Variants in USP50 observed in about 807,000 individuals in gnomAD.
The protein encoded by USP50 is ubiquitin specific peptidase 50.
In USP50, 37 loss-of-function variants were observed where a neutral mutation model predicts 39.2. The ratio of observed to expected loss-of-function variants is 0.94; its 90% CI spans 0.73 to 1.24. The LOEUF (loss-of-function observed/expected upper bound fraction) is 1.24. USP50 is among the 50% of genes most tolerant of loss of function. The pLI is 0.00. For synonymous variants in USP50, 139 were observed against 144.5 expected (o/e 0.96, Z 0.27); for missense variants, 374 against 398.2 (o/e 0.94, Z 0.52).
chr15:50,542,358 A>G (rs1319990145), intron 3 of USP50, among the ~76,000 whole-genome samples: 1 of 152,016 alleles, frequency 6.6e-6, no homozygotes, highest in Non-Finnish European at 1.5e-5. Flanking sequence ...ATCTTGGGAA[A>G]CAGAATGCTG....
intron 5 of USP50, among the ~76,000 whole-genome samples, chr15:50,535,259 C>CA (rs1269951721): frequency 1.3e-5 from 2 of 151,998 alleles, no homozygotes; most frequent in South Asian, 2.1e-4. Context: ...ATCCAGCAGG[C>CA]AAAAAATTAG....
chr15:50,499,562 C>G (rs1057155090), downstream of USP50: 1 of 151,764 alleles, frequency 6.6e-6, no homozygotes, highest in African/African-American at 2.4e-5. Flanking sequence ...TTTTGTGAAA[C>G]CTAGAACTCA....
chr15:50,540,999 G>C, intron 4 of USP50, 50 bp downstream of exon 4: 1 of 1,425,812 alleles, frequency 7.0e-7, no homozygotes, highest in Non-Finnish European at 9.8e-7. Context: ...GAGAAAATCC[G>C]GGGCTGAGAG....
At chr15:50,539,562 C>T (rs1286795934) in intron 4 of USP50, among the ~76,000 whole-genome samples, 2 of 151,856 alleles carry the variant, frequency 1.3e-5, no homozygotes, top group Admixed American at 6.6e-5. Flanking sequence ...ACTACAGGCG[C>T]GTGCCACCAC....
At chr15:50,522,295 T>C (rs1424158344) in intron 6 of USP50, among the ~76,000 whole-genome samples, 2 of 152,088 alleles carry the variant, frequency 1.3e-5, no homozygotes, top group East Asian at 3.9e-4. Context: ...CATGGTGGCA[T>C]GTGCCTGTAG....
At chr15:50,528,814 A>T (rs979234915) in intron 6 of USP50, among the ~76,000 whole-genome samples, 3 of 152,256 alleles carry the variant, frequency 2.0e-5, no homozygotes, top group Non-Finnish European at 4.4e-5. Flanking sequence ...CATTAATTCA[A>T]CAATAAGCTG....
chr15:50,499,154 T>A, downstream of USP50: 1 of 1,471,068 alleles, frequency 6.8e-7, no homozygotes, highest in Non-Finnish European at 9.1e-7. Flanking sequence ...GAAATGCTTA[T>A]CAGGATAATG....
At chr15:50,493,783 C>CA (rs1566889406), downstream of USP50, 1 of 526,612 alleles carries the variant, frequency 1.9e-6, no homozygotes, top group Non-Finnish European at 3.5e-6. Context: ...TAGTAAAGGA[C>CA]AGACAGGATG....
Position 50,501,163 on chromosome 15 carries a change from T to G in USP50, c.937-326A>C, listed in dbSNP as rs566803495. On this transcript the variant is annotated intron_variant, in intron 6 of 6. Coordinates refer to ENST00000532404, the MANE Select transcript of USP50 (RefSeq NM_203494.5). ...TTAAGCATTAAAGGAAATTTTACAA[T>G]AAGAAGATAATTCAGGCCGGGCACA... The G allele has an allele frequency of 2.9e-4, 72 of 245,142 alleles. 2 individuals carry two copies. Among genetic ancestry groups the G allele is most frequent in the South Asian group, 1.7e-3 (34 of 19,664 alleles). 15.2% of individuals were successfully genotyped at this position (245,142 alleles called of 1,614,324 possible). A position where few individuals can be genotyped will look rare whatever the true frequency, so the allele number is the denominator to read the frequency against.
chr15:50,513,910 TC>T (rs1325205061), intron 6 of USP50: 1 of 152,164 alleles, frequency 6.6e-6, no homozygotes, highest in African/African-American at 2.4e-5. Context: ...GGAGTTTCAC[TC>T]CTAGGTATGT....
intron 6 of USP50, among the ~76,000 whole-genome samples, chr15:50,514,994 TAAAA>T (rs386382963): frequency 6.7e-5 from 5 of 74,628 alleles, no homozygotes; most frequent in African/African-American, 2.2e-4. Context: ...AGACACAGTC[TAAAA>T]AAAAAAAAAA....
intron 5 of USP50, chr15:50,532,336 T>C: frequency 5.0e-6 from 2 of 400,002 alleles, no homozygotes; most frequent in Non-Finnish European, 9.9e-6. Context: ...TGCTGGGGTC[T>C]TATCAGAGCT....
chr15:50,515,114 C>T (rs757315400), intron 6 of USP50, among the ~76,000 whole-genome samples: 4 of 150,236 alleles, frequency 2.7e-5, no homozygotes, highest in Non-Finnish European at 3.0e-5. Context: ...CCAAGAAAAA[C>T]GAAATTCCAA....
intron 6 of USP50, chr15:50,514,326 G>A (rs1370901720): frequency 6.6e-6 from 1 of 152,066 alleles, no homozygotes; most frequent in Non-Finnish European, 1.5e-5. Context: ...TGGTTACATG[G>A]GTATGTTCAC....
intron 3 of USP50, among the ~76,000 whole-genome samples, chr15:50,543,051 A>C (rs2053042527): frequency 2.0e-5 from 3 of 152,206 alleles, no homozygotes; most frequent in Non-Finnish European, 4.4e-5. Flanking sequence ...GTTTAATGAA[A>C]TGTATGTCCT....
intron 6 of USP50, chr15:50,506,367 T>C (rs1249851924): frequency 1.3e-5 from 2 of 152,120 alleles, no homozygotes; most frequent in Non-Finnish European, 2.9e-5. Flanking sequence ...ACTGCGCATG[T>C]GAGGGATCTA....
At chr15:50,532,172 C>A (rs1183761138) in intron 5 of USP50, 2 of 456,262 alleles carry the variant, frequency 4.4e-6, no homozygotes. Context: ...AATTTTCCTT[C>A]CAGGAGCCCA....
rs967629173 is a variant in USP50, at chr15:50,500,833, T to G, written c.941A>C (p.His314Pro). 1 of 1,578,718 alleles carries G rather than the reference T, an allele frequency of 6.3e-7. No individual in the cohort carries two copies. Among genetic ancestry groups the G allele is most frequent in the Non-Finnish European group, 8.6e-7 (1 of 1,161,454 alleles). ...GTGGCCACCATCCAAATCACCAAAA[T>G]GGTTCTATGGGAGAAAGGAATGTCA... The part of the protein sequence containing the change: ...PKYNLCAVVN[H>P]FGDLDGGHYT... The change falls in exon 7 of 7, where the codon CAT becomes CCT. Residue 314 changes from histidine (H) to proline (P), a missense_variant. Coordinates refer to ENST00000532404, the MANE Select transcript of USP50 (RefSeq NM_203494.5).
chr15:50,505,599 G>A (rs370560133), intron 6 of USP50: 17 of 152,278 alleles, frequency 1.1e-4, no homozygotes, highest in African/African-American at 3.8e-4. Flanking sequence ...ATGAAGATCC[G>A]GGCAAATATA....
Sources: gnomAD v4.1 joint callset for allele counts (sites outside exome capture counted in the v4.1 genomes callset) on GRCh38, gnomAD v4.1.1 for gene constraint, MANE v1.5 for transcripts, NCBI Gene and HGNC (gene_info 2026-07-23, HGNC 2026-07-21) for gene names.